The following SNX25 variants were observed in gnomAD, a reference collection of about 807,000 sequenced individuals.
The protein encoded by SNX25 is sorting nexin-25.
A neutral mutation model predicts 113.7 loss-of-function variants in SNX25; 62 were observed. The ratio of observed to expected loss-of-function variants is 0.55; its 90% CI spans 0.44 to 0.67. The LOEUF (loss-of-function observed/expected upper bound fraction) is 0.67, where lower values mean the gene tolerates loss of function less well. Among genes scored for constraint, SNX25 ranks in the 30% least tolerant of loss-of-function variants. SNX25 has a pLI of 0.00. For synonymous variants in SNX25, 421 were observed against 436.2 expected (o/e 0.97, Z 0.43); for missense variants, 1,014 against 1,161.0 (o/e 0.87, Z 1.84).
intron 6 of SNX25, among the ~76,000 whole-genome samples, chr4:185,299,002 C>T (rs554707553): frequency 9.8e-4 from 149 of 152,286 alleles, no homozygotes; most frequent in Middle Eastern, 3.4e-3. Context: ...AGATCATGGT[C>T]AACACACATG....
chr4:185,321,365 C>T (rs1352362299), intron 8 of SNX25, among the ~76,000 whole-genome samples: 14 of 151,022 alleles, frequency 9.3e-5, no homozygotes, highest in South Asian at 4.2e-4. Context: ...CAGGTTCAAG[C>T]GGTTCTCCTC....
At position 185,209,651 on chromosome 4, in the gene SNX25, C is replaced by A. The variant is rs1035038785; in HGVS notation, c.-176C>A. ...GCGCCCGGCCCGGCAGCTACGGGCC[C>A]AGCGCCTGGTGGCGGCGCTGAGGGG... On this transcript the variant is annotated 5_prime_UTR_variant, in exon 1 of 19. Transcript: ENST00000652585. The surrounding 1 kb of genome is among the most constrained non-coding windows in gnomAD (Gnocchi z 5.2). 2.5e-6 allele frequency: 2 copies of A among 796,326 alleles called. No homozygotes were observed. Among genetic ancestry groups the A allele is most frequent in the African/African-American group, 3.7e-5 (2 of 53,604 alleles). 49.3% of individuals were successfully genotyped at this position (796,326 alleles called of 1,614,324 possible). A position where few individuals can be genotyped will look rare whatever the true frequency, so the allele number is the denominator to read the frequency against.
intron 3 of SNX25, among the ~76,000 whole-genome samples, chr4:185,259,985 C>T (rs998329209): frequency 2.0e-5 from 3 of 152,072 alleles, no homozygotes; most frequent in Non-Finnish European, 4.4e-5. Flanking sequence ...TCCACAGAGC[C>T]GTGACATGCC....
intron 3 of SNX25, among the ~76,000 whole-genome samples, chr4:185,262,893 C>T (rs1747526491): frequency 2.0e-5 from 3 of 152,228 alleles, no homozygotes; most frequent in African/African-American, 7.2e-5. Context: ...GCCACAGAAG[C>T]AGCCCCACCC....
downstream of SNX25, chr4:185,364,890 T>G (rs1165289060): frequency 6.6e-6 from 1 of 152,256 alleles, no homozygotes; most frequent in African/African-American, 2.4e-5. Flanking sequence ...AAACTGTAGC[T>G]GTTAAGTTTA....
At chr4:185,253,700 C>T (rs1209127333) in intron 2 of SNX25, among the ~76,000 whole-genome samples, 1 of 152,176 alleles carries the variant, frequency 6.6e-6, no homozygotes, top group Non-Finnish European at 1.5e-5. Flanking sequence ...AATTCCTGAG[C>T]TCAGGTGATC....
chr4:185,309,561 C>G (rs1226324460), intron 6 of SNX25, among the ~76,000 whole-genome samples: 1 of 152,174 alleles, frequency 6.6e-6, no homozygotes, highest in African/African-American at 2.4e-5. Flanking sequence ...CCTCTGGCTT[C>G]TCATGTTGGA....
Position 185,294,364 on chromosome 4 carries a change from C to T in SNX25, c.1162+6282C>T, listed in dbSNP as rs182859007. On this transcript the variant is annotated intron_variant, in intron 6 of 18. Transcript: ENST00000652585. ...GTGCTGCTAGCTTCCTGATGGAATC[C>T]GCACAAGTCATTTTATTTCTCTAGG... 8.5e-5 allele frequency among the ~76,000 whole-genome samples: 13 copies of T among 152,214 alleles called. No individual in the cohort carries two copies. In the East Asian group the frequency reaches 1.9e-3, roughly 23 times the overall value.
rs569843954 is a variant in SNX25, at chr4:185,351,368, C to T, written c.2302-77C>T. 56 of 1,478,598 alleles carry T rather than the reference C, an allele frequency of 3.8e-5. 1 individual carries two copies. In the South Asian group the frequency reaches 3.9e-4, roughly 10 times the overall value. 91.6% of individuals were successfully genotyped at this position (1,478,598 alleles called of 1,614,324 possible). On this transcript the variant is annotated intron_variant, in intron 13 of 18. Transcript: ENST00000652585. Reference sequence around the variant, plus strand: ...AAGTAAATTCGTGACAGCTCTGCCTCGCTCACCTTTACTTGTAGCTCCCAG... The same window carrying T: ...AAGTAAATTCGTGACAGCTCTGCCTTGCTCACCTTTACTTGTAGCTCCCAG...
chr4:185,263,445 C>A (rs1466204707), intron 3 of SNX25, among the ~76,000 whole-genome samples: 1 of 152,130 alleles, frequency 6.6e-6, no homozygotes, highest in East Asian at 1.9e-4. Context: ...AAGGCTTATT[C>A]TAAAAATTTC....
chr4:185,269,569 T>C (rs1748619495), intron 5 of SNX25, among the ~76,000 whole-genome samples: 1 of 152,174 alleles, frequency 6.6e-6, no homozygotes, highest in South Asian at 2.1e-4. Flanking sequence ...AAGATAACAA[T>C]CTAGAGTCAA....
intron 1 of SNX25, among the ~76,000 whole-genome samples, chr4:185,224,549 A>ACT (rs1560905231): frequency 2.2e-5 from 2 of 92,256 alleles, no homozygotes; most frequent in African/African-American, 4.1e-5. Context: ...ATATATATAC[A>ACT]TATATATAAA....
At chr4:185,281,002 T>G (rs560119157) in intron 5 of SNX25, among the ~76,000 whole-genome samples, 3 of 152,206 alleles carry the variant, frequency 2.0e-5, no homozygotes, top group Non-Finnish European at 4.4e-5. Flanking sequence ...CTGCTTCATT[T>G]AAATTTCACC....
chr4:185,239,968 C>T (rs1288826785), intron 1 of SNX25, among the ~76,000 whole-genome samples: 2 of 150,402 alleles, frequency 1.3e-5, no homozygotes, highest in Non-Finnish European at 1.5e-5. Context: ...GGTGATGACT[C>T]TTAACGAGCA....
intron 9 of SNX25, among the ~76,000 whole-genome samples, chr4:185,325,727 T>A (rs1424595968): frequency 2.0e-5 from 3 of 152,290 alleles, no homozygotes; most frequent in South Asian, 2.1e-4. Context: ...CATGGATTTG[T>A]ACTGTCAGAT....
At chr4:185,251,277 G>A (rs1560935248) in intron 2 of SNX25, among the ~76,000 whole-genome samples, 1 of 152,168 alleles carries the variant, frequency 6.6e-6, no homozygotes, top group Non-Finnish European at 1.5e-5. Context: ...TTATAGGCAT[G>A]AGCCCCCGCA....
At chr4:185,246,909 T>A (rs1239643423) in intron 1 of SNX25, among the ~76,000 whole-genome samples, 1 of 152,198 alleles carries the variant, frequency 6.6e-6, no homozygotes, top group East Asian at 1.9e-4. Flanking sequence ...TTTATTCCCA[T>A]GTGAATATCA....
chr4:185,344,632 G>T (rs1455950145), intron 12 of SNX25, among the ~76,000 whole-genome samples: 1 of 150,340 alleles, frequency 6.7e-6, no homozygotes, highest in Non-Finnish European at 1.5e-5. Flanking sequence ...TACATCTTGA[G>T]ATTAAGGAGG....
intron 6 of SNX25, among the ~76,000 whole-genome samples, chr4:185,300,324 A>AT (rs557323613): frequency 0.017 from 2,245 of 135,202 alleles, 29 homozygotes; most frequent in South Asian, 0.055. Flanking sequence ...ACACCCAGCT[A>AT]TTTTTTTTTT....
Sources: allele counts gnomAD v4.1 joint callset (sites outside exome capture counted in the v4.1 genomes callset), GRCh38; gene constraint gnomAD v4.1.1; non-coding constraint Gnocchi (gnomAD v3.1); transcripts MANE v1.5; gene names NCBI Gene and HGNC (gene_info 2026-07-23, HGNC 2026-07-21).